ZNF451: variants seen among roughly 807,000 people sequenced by gnomAD.
ZNF451 encodes the protein E3 SUMO-protein ligase ZNF451.
Under a neutral mutation model 107.1 loss-of-function variants are expected in ZNF451, and 80 were observed. The observed-to-expected ratio is 0.75, with a 90% CI of 0.62 to 0.90. ZNF451 has a LOEUF of 0.90. Ranked by LOEUF, ZNF451 falls within the 40% of genes least tolerant of loss-of-function variation. The pLI is 0.00. For synonymous variants in ZNF451, 362 were observed against 406.5 expected, an observed-to-expected ratio of 0.89 and a Z score of 1.32; for missense variants, 1,107 against 1,236.2, an observed-to-expected ratio of 0.90 and a Z score of 1.57.
At chr6:57,138,737 A>ATGTGTG (rs1291098237) in intron 7 of ZNF451, among the ~76,000 whole-genome samples, 3 of 91,290 alleles carry the variant, frequency 3.3e-5, no homozygotes, top group Admixed American at 1.3e-4. Flanking sequence ...ATATATATAT[A>ATGTGTG]TATATGTGTG....
chr6:57,111,665 GC>G (rs1171534513), intron 3 of ZNF451, among the ~76,000 whole-genome samples: 3 of 152,164 alleles, frequency 2.0e-5, no homozygotes, highest in African/African-American at 7.2e-5. Flanking sequence ...GTGGTTGTGA[GC>G]CACCACGCCT....
In ZNF451 at chr6:57,158,881, T is replaced by A. The variant is rs371960959; in HGVS notation, c.3071-2203T>A. The A allele has an allele frequency of 1.5e-5, 15 of 985,464 alleles. No individual in the cohort carries two copies. The East Asian group carries it at 9.1e-4, about 60-fold the overall frequency. The allele number at this position is 985,464 out of a possible 1,614,324, so 61.0% of individuals were successfully genotyped here. On this transcript the variant is annotated intron_variant, in intron 13 of 14. Coordinates refer to ENST00000370706, the MANE Select transcript of ZNF451 (RefSeq NM_001031623.3). ...TTAGAAGCAGTAAGTAGGGTTGGCA[T>A]CTATGAGTCATACCAATTACACAGA... is the stretch of plus-strand genomic sequence containing the variant.
chr6:57,109,305 T>C, intron 3 of ZNF451: 2 of 912,848 alleles, frequency 2.2e-6, no homozygotes, highest in Non-Finnish European at 2.6e-6. Flanking sequence ...ATACACACAT[T>C]TTTTTTTTTT....
intron 3 of ZNF451, chr6:57,101,313 A>G (rs1829586210): frequency 1.9e-6 from 3 of 1,550,752 alleles, no homozygotes; most frequent in South Asian, 1.2e-5. Flanking sequence ...TGGTTCCTCC[A>G]TTGCATCCTC....
At chr6:57,096,174 C>CTTTTTTTTTTTTT (rs1215991627) in intron 2 of ZNF451, among the ~76,000 whole-genome samples, 1 of 112,556 alleles carries the variant, frequency 8.9e-6, no homozygotes, top group Non-Finnish European at 1.9e-5. Flanking sequence ...TTCTTTCTTT[C>CTTTTTTTTTTTTT]TGTTTTTTTT....
intron 2 of ZNF451, among the ~76,000 whole-genome samples, chr6:57,093,798 A>G (rs1829161069): frequency 6.6e-6 from 1 of 152,244 alleles, no homozygotes. Flanking sequence ...TGTAGTCGTG[A>G]AAGATTTTTT....
At chr6:57,125,929 C>A (rs941475125) in intron 4 of ZNF451, among the ~76,000 whole-genome samples, 2 of 152,046 alleles carry the variant, frequency 1.3e-5, no homozygotes, top group Non-Finnish European at 2.9e-5. Context: ...CCCCACCCCC[C>A]TAGAACTATA....
chr6:57,106,021 A>G (rs1829836453), intron 3 of ZNF451: 4 of 976,638 alleles, frequency 4.1e-6, no homozygotes, highest in South Asian at 9.5e-5. Context: ...TTAGTATTCT[A>G]TATTAGTACT....
At chr6:57,162,353 A>G (rs1441533418) in intron 14 of ZNF451, among the ~76,000 whole-genome samples, 2 of 152,218 alleles carry the variant, frequency 1.3e-5, no homozygotes, top group Non-Finnish European at 2.9e-5. Context: ...AGTTTGGGAA[A>G]TGGAGTCTGG....
chr6:57,109,846 C>A, intron 3 of ZNF451: 2 of 498,914 alleles, frequency 4.0e-6, no homozygotes, highest in Non-Finnish European at 5.2e-6. Flanking sequence ...TATTTCATAT[C>A]TGTGTTGAAA....
chr6:57,103,785 C>T (rs758968609), intron 3 of ZNF451: 3 of 985,296 alleles, frequency 3.0e-6, no homozygotes, highest in Non-Finnish European at 3.6e-6. Flanking sequence ...ACAGTTGTTG[C>T]ACAGTGGTAA....
chr6:57,159,275 A>C, intron 13 of ZNF451: 2 of 985,482 alleles, frequency 2.0e-6, no homozygotes, highest in Non-Finnish European at 2.4e-6. Context: ...AGGATTTGTC[A>C]TTATTCAAAC....
chr6:57,160,904 A>T, intron 13 of ZNF451, 180 bp from the exon 14 acceptor site: 1 of 431,920 alleles, frequency 2.3e-6, no homozygotes, highest in Non-Finnish European at 4.2e-6. Flanking sequence ...GGAGAATTTA[A>T]TGTCACCATT....
chr6:57,151,642 G>T (rs934433252), intron 11 of ZNF451, among the ~76,000 whole-genome samples: 30 of 151,964 alleles, frequency 2.0e-4, no homozygotes, highest in Admixed American at 1.0e-3. Flanking sequence ...TGCCATAACT[G>T]CCTCTTCGGT....
intron 13 of ZNF451, chr6:57,154,528 A>G (rs144806475): frequency 6.0e-4 from 98 of 164,074 alleles, no homozygotes; most frequent in Non-Finnish European, 1.0e-3. Context: ...GGTACATCCT[A>G]TCTTATTGCT....
chr6:57,128,524 G>T (rs1300819395), intron 4 of ZNF451, among the ~76,000 whole-genome samples: 1 of 152,156 alleles, frequency 6.6e-6, no homozygotes, highest in African/African-American at 2.4e-5. Context: ...GGTGTAGGTT[G>T]TAGTAAATTT....
chr6:57,161,774 A>C (rs1389257842), intron 14 of ZNF451, among the ~76,000 whole-genome samples: 15 of 152,202 alleles, frequency 9.9e-5, no homozygotes, highest in Admixed American at 9.8e-4. Context: ...AGCTCACTGC[A>C]ACCTCTGCCT....
rs565005888 is a variant in ZNF451, at chr6:57,109,827, G to A, written c.186+10686G>A. 7.3e-4 allele frequency: 453 copies of A among 618,776 alleles called. 1 individual carries two copies. Among genetic ancestry groups the A allele is most frequent in the Middle Eastern group, 2.5e-3 (3 of 1,214 alleles). The allele number at this position is 618,776 out of a possible 1,614,324, so 38.3% of individuals were successfully genotyped here. A position where few individuals can be genotyped will look rare whatever the true frequency, so the allele number is the denominator to read the frequency against. ...ATGTGTATACAATTTTTGATAGATG[G>A]TATTTTGTTATTTCATATCTGTGTT... On this transcript the variant is annotated intron_variant, in intron 3 of 14. Transcript: ENST00000370706.
chr6:57,163,436 C>CTTTTTTTTTTTTTTTTTTTTTTTTTTTTT lies in ZNF451; in HGVS notation c.3139+2288_3139+2316dup, dbSNP rs398001706. 7.3e-4 allele frequency among the ~76,000 whole-genome samples: 22 copies of CTTTTTTTTTTTTTTTTTTTTTTTTTTTTT among 30,340 alleles called. 9 individuals carry two copies. Among genetic ancestry groups the CTTTTTTTTTTTTTTTTTTTTTTTTTTTTT allele is most frequent in the Non-Finnish European group, 1.2e-3 (19 of 16,452 alleles). The allele number at this position is 30,340 out of a possible 152,430, so 19.9% of individuals were successfully genotyped here. A position where few individuals can be genotyped will look rare whatever the true frequency, so the allele number is the denominator to read the frequency against. On this transcript the variant is annotated intron_variant, in intron 14 of 14. Coordinates refer to ENST00000370706, the MANE Select transcript of ZNF451 (RefSeq NM_001031623.3). ...AATGGTTGCTTGTTAAATGAATAAA[C>CTTTTTTTTTTTTTTTTTTTTTTTTTTTTT]TTTTTTTTTTTTTTTTTTTTTTTTT...
Sources: gnomAD v4.1 joint callset for allele counts (sites outside exome capture counted in the v4.1 genomes callset) on GRCh38, gnomAD v4.1.1 for gene constraint, MANE v1.5 for transcripts, NCBI Gene and HGNC (gene_info 2026-07-23, HGNC 2026-07-21) for gene names.